The following TMEM131 variants were observed in gnomAD, a reference collection of about 807,000 sequenced individuals.
TMEM131 encodes transmembrane protein 131, also known as 2610524E03Rik.
Under a neutral mutation model 211.6 loss-of-function variants are expected in TMEM131, and 66 were observed. The observed-to-expected ratio is 0.31, with a 90% CI of 0.26 to 0.38. The LOEUF (loss-of-function observed/expected upper bound fraction) is 0.38, where lower values mean the gene tolerates loss of function less well. Ranked by LOEUF, TMEM131 falls within the 10% of genes least tolerant of loss-of-function variation. The pLI is 1.00. For missense variants in TMEM131, 2,036 were observed against 2,299.3 expected, an observed-to-expected ratio of 0.89 and a Z score of 2.34; for synonymous variants, 844 against 841.3, an observed-to-expected ratio of 1.00 and a Z score of -0.06.
intron 1 of TMEM131, among the ~76,000 whole-genome samples, chr2:97,979,721 C>G (rs1679702124): frequency 6.6e-6 from 1 of 152,186 alleles, no homozygotes; most frequent in Non-Finnish European, 1.5e-5. Flanking sequence ...ATCCTGAACA[C>G]TAAAGCTTAC....
At chr2:97,864,158 G>T (rs1450620491) in intron 4 of TMEM131, among the ~76,000 whole-genome samples, 2 of 152,168 alleles carry the variant, frequency 1.3e-5, no homozygotes, top group Non-Finnish European at 2.9e-5. Flanking sequence ...CTCACTATTT[G>T]TGGGAGCTAA....
intron 5 of TMEM131, among the ~76,000 whole-genome samples, chr2:97,849,650 A>G (rs1194235984): frequency 6.6e-6 from 1 of 151,066 alleles, no homozygotes; most frequent in Non-Finnish European, 1.5e-5. Context: ...TATAAAATAT[A>G]TATTAAATAC....
At position 97,760,654 on chromosome 2, in the gene TMEM131, T is replaced by C. The variant is rs1249786196; in HGVS notation, c.5047A>G (p.Thr1683Ala). The change falls in exon 38 of 41, where the codon ACA (threonine) becomes GCA (alanine). Residue 1683 changes from threonine (T) to alanine (A), a missense_variant. This residue lies in a region of TMEM131 where 1,623 missense variants were observed against 1,805.9 expected (regional missense o/e 0.90). Transcript: ENST00000186436. ...ATGCCAAGGCTGCTGGAGAAACCTGTTTTGTTTGAAGAAACTTTAGCAAAG... is the reference window on the plus strand; with the variant it reads ...ATGCCAAGGCTGCTGGAGAAACCTGCTTTGTTTGAAGAAACTTTAGCAAAG... ...NGFAKVSSNK[T>A]GFSSSLGISH... The C allele has an allele frequency of 1.2e-6, 2 of 1,613,824 alleles. No individual in the cohort carries two copies. Among genetic ancestry groups the C allele is most frequent in the African/African-American group, 1.3e-5 (1 of 75,064 alleles).
intron 1 of TMEM131, among the ~76,000 whole-genome samples, chr2:97,938,908 C>T (rs1420718890): frequency 6.6e-6 from 1 of 152,130 alleles, no homozygotes; most frequent in African/African-American, 2.4e-5. Context: ...GGAAACTGAA[C>T]AACCTGCTCC....
Position 97,878,854 on chromosome 2 carries a change from AAAT to A in TMEM131, c.359+9195_359+9197del, listed in dbSNP as rs915895993. ...CAGAACTTAAAGTATAATAATTAAA[AAAT>A]AATAATAATGAGCAAACAAACAAAA... On this transcript the variant is annotated intron_variant, in intron 4 of 40. Transcript: ENST00000186436. Among the ~76,000 whole-genome samples the A allele has an allele frequency of 6.4e-4, 97 of 152,290 alleles. 1 individual carries two copies. Among genetic ancestry groups the A allele is most frequent in the African/African-American group, 2.3e-3 (94 of 41,550 alleles).
intron 1 of TMEM131, among the ~76,000 whole-genome samples, chr2:97,994,282 G>A (rs1036441209): frequency 6.6e-6 from 1 of 152,166 alleles, no homozygotes. Context: ...AAATAATTTT[G>A]CTTCCATCAA....
intron 1 of TMEM131, among the ~76,000 whole-genome samples, chr2:97,946,086 T>C (rs1189891412): frequency 6.6e-6 from 1 of 152,084 alleles, no homozygotes. Flanking sequence ...AACACAGCTA[T>C]TGTGCAGGGA....
chr2:97,778,690 A>T (rs1360833685), intron 31 of TMEM131, among the ~76,000 whole-genome samples: 1 of 152,200 alleles, frequency 6.6e-6, no homozygotes, highest in Non-Finnish European at 1.5e-5. Flanking sequence ...GGCTGACAAG[A>T]ATCTCTAACC....
intron 33 of TMEM131, among the ~76,000 whole-genome samples, chr2:97,766,835 T>A (rs1337444142): frequency 6.6e-6 from 1 of 152,080 alleles, no homozygotes; most frequent in Non-Finnish European, 1.5e-5. Flanking sequence ...CTATTCCAAG[T>A]GCTGACAATG....
At position 97,812,752 on chromosome 2, in the gene TMEM131, G is replaced by A. The variant is rs781382425; in HGVS notation, c.1618-3C>T. On this transcript the variant is annotated splice_polypyrimidine_tract_variant and splice_region_variant and intron_variant, in intron 15 of 40. Transcript: ENST00000186436. ...ATTTTGGGGGGCAATACAAAGTACT[G>A]GAAAGATATAAAAGAACCAGATTAA... The A allele has an allele frequency of 4.7e-6, 7 of 1,491,240 alleles. No homozygotes were observed. Among genetic ancestry groups the A allele is most frequent in the Admixed American group, 4.5e-5 (2 of 44,804 alleles). The allele number at this position is 1,491,240 out of a possible 1,614,324, so 92.4% of individuals were successfully genotyped here.
chr2:97,930,905 A>C (rs978739158), intron 1 of TMEM131, among the ~76,000 whole-genome samples: 1 of 151,010 alleles, frequency 6.6e-6, no homozygotes, highest in African/African-American at 2.5e-5. Context: ...ATTACTGATC[A>C]CTGTTGTTAA....
Position 97,814,087 on chromosome 2 carries a change from A to T in TMEM131, c.1501T>A (p.Phe501Ile). ...GTGGAAGGCATAAAAAGCAGGGTAA[A>T]AATGTATCCTGATTCATTAGGAAGA... Reference protein sequence around the residue: ...LILPNESGYIFTLLFMPSTSS... With the variant: ...LILPNESGYIITLLFMPSTSS... Residue 501 changes from phenylalanine to isoleucine, a missense_variant, in exon 15 of 41, where the codon TTT becomes ATT. Phe to Ile is a conservative substitution (Grantham distance 21, BLOSUM62 0). This residue lies in a region of TMEM131 where 1,623 missense variants were observed against 1,805.9 expected (regional missense o/e 0.90). Transcript: ENST00000186436. 1.9e-6 allele frequency: 3 copies of T among 1,606,278 alleles called. No homozygotes were observed. Among genetic ancestry groups the T allele is most frequent in the Non-Finnish European group, 2.6e-6 (3 of 1,175,710 alleles).
At chr2:97,827,164 A>G in intron 11 of TMEM131, 1 of 607,678 alleles carries the variant, frequency 1.6e-6, no homozygotes, top group Non-Finnish European at 3.0e-6. Flanking sequence ...GAGGAGTGGC[A>G]GCGGCAAGGC....
At chr2:97,795,689 T>A (rs1384925028) in intron 28 of TMEM131, among the ~76,000 whole-genome samples, 2 of 152,218 alleles carry the variant, frequency 1.3e-5, no homozygotes, top group Non-Finnish European at 2.9e-5. Context: ...AATTAAATAT[T>A]CAATTAAGGG....
At position 97,776,027 on chromosome 2, in the gene TMEM131, A is replaced by C. The variant is rs775964702; in HGVS notation, c.4145-9T>G. The C allele has an allele frequency of 6.3e-6, 10 of 1,596,204 alleles. No individual in the cohort carries two copies. The highest frequency in any genetic ancestry group is 8.5e-6 in the Non-Finnish European group (10 of 1,174,858). On this transcript the variant is annotated splice_polypyrimidine_tract_variant and intron_variant, in intron 31 of 40. Coordinates refer to ENST00000186436, the MANE Select transcript of TMEM131 (RefSeq NM_015348.2). ...AAGAGGTTTTCCTTTCCCTGAGGAT[A>C]AAAATTAAAGTAAAAGAACTCTTGT...
chr2:97,918,280 T>G (rs947153931), intron 2 of TMEM131, among the ~76,000 whole-genome samples: 26 of 152,168 alleles, frequency 1.7e-4, no homozygotes, highest in African/African-American at 6.3e-4. Flanking sequence ...ACCCCCATCT[T>G]GAGTATTCTC....
intron 7 of TMEM131, among the ~76,000 whole-genome samples, chr2:97,840,398 C>A (rs750671992): frequency 6.6e-6 from 1 of 152,196 alleles, no homozygotes; most frequent in Admixed American, 6.5e-5. Flanking sequence ...AGCCCTTCTA[C>A]GGCACAGTGG....
chr2:97,973,181 G>A (rs1324867806), intron 1 of TMEM131, among the ~76,000 whole-genome samples: 1 of 152,132 alleles, frequency 6.6e-6, no homozygotes, highest in Admixed American at 6.5e-5. Context: ...GTACCAAGAG[G>A]TTTAGGAATA....
At chr2:97,976,498 CTACAT>C (rs1236780188) in intron 1 of TMEM131, among the ~76,000 whole-genome samples, 1 of 152,030 alleles carries the variant, frequency 6.6e-6, no homozygotes, top group Non-Finnish European at 1.5e-5. Context: ...ATACTGAAAA[CTACAT>C]TAAAGACCTA....
Sources: gnomAD v4.1 joint callset for allele counts (sites outside exome capture counted in the v4.1 genomes callset) on GRCh38, gnomAD v4.1.1 for gene constraint, gnomAD v4.1.1 regional missense constraint, MANE v1.5 for transcripts, NCBI Gene and HGNC (gene_info 2026-07-23, HGNC 2026-07-21) for gene names.